RFX4: variants seen among roughly 807,000 people sequenced by gnomAD.
RFX4 encodes transcription factor RFX4.
A neutral mutation model predicts 95.0 loss-of-function variants in RFX4; 10 were observed. That is an observed-to-expected ratio of 0.11 (90% CI 0.06 to 0.18). The LOEUF (loss-of-function observed/expected upper bound fraction) is 0.18, where lower values mean the gene tolerates loss of function less well. Among genes scored for constraint, RFX4 ranks in the 10% least tolerant of loss-of-function variants. The probability of loss-of-function intolerance (pLI) is 1.00; values close to 1 mark genes in which losing one functional copy is unlikely to be tolerated. For synonymous variants in RFX4, 321 were observed against 340.7 expected (o/e 0.94, Z 0.64); for missense variants, 640 against 922.0 (o/e 0.69, Z 3.96).
chr12:106,758,539 G>A (rs2043150865), intron 17 of RFX4, among the ~76,000 whole-genome samples: 1 of 152,160 alleles, frequency 6.6e-6, no homozygotes, highest in Admixed American at 6.5e-5. Context: ...CTGTGGAAAA[G>A]AGCCCAAGTC....
intron 3 of RFX4, among the ~76,000 whole-genome samples, chr12:106,644,429 T>A (rs1565962021): frequency 1.3e-5 from 2 of 152,008 alleles, no homozygotes. Flanking sequence ...GATGGGGTTT[T>A]ACCATGTTGG....
Position 106,732,146 on chromosome 12 carries a change from T to A in RFX4, c.1368T>A (p.Ile456=). 6.2e-7 allele frequency: 1 copy of A among 1,613,670 alleles called. No homozygotes were observed. Among genetic ancestry groups the A allele is most frequent in the Non-Finnish European group, 8.5e-7 (1 of 1,179,718 alleles). ...SAPSFGSFHL[I]HLMFDDYVLY... is the part of the protein sequence containing the mutation. ...TTTCACCAGGGTCTTTTCACCTAAT[T>A]CACTTAATGTTTGATGACTACGTGC... Residue 456 remains isoleucine (I), a synonymous_variant, in exon 14 of 18, where the codon ATT becomes ATA. Coordinates refer to ENST00000392842, the MANE Select transcript of RFX4 (RefSeq NM_213594.3).
intron 13 of RFX4, among the ~76,000 whole-genome samples, chr12:106,721,530 A>G (rs2042395953): frequency 6.6e-6 from 1 of 152,188 alleles, no homozygotes; most frequent in African/African-American, 2.4e-5. Context: ...ATCGGGGTGA[A>G]TGTTATGATA....
At chr12:106,687,382 G>A (rs1430737248) in intron 6 of RFX4, among the ~76,000 whole-genome samples, 2 of 151,860 alleles carry the variant, frequency 1.3e-5, no homozygotes, top group African/African-American at 4.8e-5. Flanking sequence ...GTGAAACCCT[G>A]TCTCTACTAA....
chr12:106,663,732 C>T (rs1414486386), intron 4 of RFX4, among the ~76,000 whole-genome samples: 2 of 149,044 alleles, frequency 1.3e-5, no homozygotes, highest in African/African-American at 4.9e-5. Context: ...AGAAATTACC[C>T]TTTATTCCTA....
At chr12:106,721,411 GATA>G (rs2042393678) in intron 13 of RFX4, among the ~76,000 whole-genome samples, 1 of 152,176 alleles carries the variant, frequency 6.6e-6, no homozygotes. Flanking sequence ...ACCTCCAGGA[GATA>G]TCCCCACCTC....
At chr12:106,645,926 G>A (rs1390734654) in intron 3 of RFX4, 16 of 1,289,206 alleles carry the variant, frequency 1.2e-5, no homozygotes, top group Non-Finnish European at 1.6e-5. Context: ...CTCAGCTACA[G>A]ATGGAGAAAG....
At chr12:106,593,939 T>G (rs2039580562) in intron 1 of RFX4, among the ~76,000 whole-genome samples, 1 of 152,236 alleles carries the variant, frequency 6.6e-6, no homozygotes, top group African/African-American at 2.4e-5. Flanking sequence ...TGGATTATTC[T>G]AAACATTTTG....
intron 4 of RFX4, among the ~76,000 whole-genome samples, chr12:106,678,428 A>G (rs988416916): frequency 6.6e-6 from 1 of 152,252 alleles, no homozygotes; most frequent in Non-Finnish European, 1.5e-5. Context: ...TGCTTTCTTC[A>G]ATTATCTACG....
At chr12:106,596,692 C>G (rs2039624369) in intron 1 of RFX4, among the ~76,000 whole-genome samples, 1 of 152,178 alleles carries the variant, frequency 6.6e-6, no homozygotes, top group South Asian at 2.1e-4. Flanking sequence ...TTAAACCAGG[C>G]CACCTATATC....
rs769934408 is a variant in RFX4, at chr12:106,687,117, C to T, written c.591+20C>T. ...GAGAAGGTAACTACAACTGAAGTGA[C>T]TATTTGGGGTGGGTGGTTTCTCTCT... On this transcript the variant is annotated intron_variant, in intron 6 of 17. Coordinates refer to ENST00000392842, the MANE Select transcript of RFX4 (RefSeq NM_213594.3). The T allele has an allele frequency of 6.2e-7, 1 of 1,608,760 alleles. No homozygotes were observed. The highest frequency in any genetic ancestry group is 1.3e-5 in the African/African-American group (1 of 74,578).
chr12:106,652,645 T>C (rs1260886419), intron 3 of RFX4, among the ~76,000 whole-genome samples: 1 of 152,240 alleles, frequency 6.6e-6, no homozygotes, highest in Non-Finnish European at 1.5e-5. Context: ...CGGGGACTAT[T>C]CAGCACCAGG....
intron 15 of RFX4, chr12:106,733,642 C>G (rs1044791687): frequency 6.5e-6 from 1 of 153,016 alleles, no homozygotes; most frequent in African/African-American, 2.4e-5. Flanking sequence ...AAACTTTACA[C>G]TAAGCTATGG....
At chr12:106,694,845 G>C (rs1369267849) in intron 7 of RFX4, among the ~76,000 whole-genome samples, 1 of 152,086 alleles carries the variant, frequency 6.6e-6, no homozygotes, top group African/African-American at 2.4e-5. Flanking sequence ...GACCAGCCTG[G>C]TCAACATGGC....
intron 8 of RFX4, among the ~76,000 whole-genome samples, chr12:106,700,163 C>G (rs2041957463): frequency 6.6e-6 from 1 of 151,886 alleles, no homozygotes; most frequent in African/African-American, 2.4e-5. Flanking sequence ...TCCTGAGTAG[C>G]TGAAATTACA....
chr12:106,705,862 GCACTATGCTAGGT>G (rs2137481384), intron 8 of RFX4, among the ~76,000 whole-genome samples: 1 of 152,302 alleles, frequency 6.6e-6, no homozygotes, highest in East Asian at 1.9e-4. Flanking sequence ...TATGTGTCTG[GCACTATGCTAGGT>G]ACTGAGGATA....
rs529756191 is a variant in RFX4 at position 106,688,768 on chromosome 12, A to G, written c.592-519A>G. On this transcript the variant is annotated intron_variant, in intron 6 of 17. Transcript: ENST00000392842. ...TATTGGATAAATGGAGGGGGAGATT[A>G]ATTTTTTTTTTTATTTTTGCTAAGC... Among the ~76,000 whole-genome samples, 68 of 129,362 alleles carry G rather than the reference A, an allele frequency of 5.3e-4. 2 individuals are homozygous for G. The highest frequency in any genetic ancestry group is 7.6e-4 in the South Asian group (3 of 3,966). The allele number at this position is 129,362 out of a possible 152,430, so 84.9% of individuals were successfully genotyped here. A position where few individuals can be genotyped will look rare whatever the true frequency, so the allele number is the denominator to read the frequency against.
chr12:106,756,749 G>T (rs2043115058), intron 17 of RFX4, among the ~76,000 whole-genome samples: 1 of 152,084 alleles, frequency 6.6e-6, no homozygotes, highest in Non-Finnish European at 1.5e-5. Flanking sequence ...GTTAATAAAG[G>T]TCGGAACAGG....
At chr12:106,683,707 T>C (rs796506949) in intron 5 of RFX4, 6 of 152,238 alleles carry the variant, frequency 3.9e-5, no homozygotes, top group African/African-American at 1.2e-4. Context: ...CTCTTGGTCT[T>C]TGAGGAATCA....
Sources: gnomAD v4.1 joint callset for allele counts (sites outside exome capture counted in the v4.1 genomes callset) on GRCh38, gnomAD v4.1.1 for gene constraint, MANE v1.5 for transcripts, NCBI Gene and HGNC (gene_info 2026-07-23, HGNC 2026-07-21) for gene names.